The following PAK3 variants were observed in gnomAD, a reference collection of about 807,000 sequenced individuals.
PAK3 encodes the protein p21 (RAC1) activated kinase 3, also known as serine/threonine-protein kinase PAK 3.
Under a neutral mutation model 41.0 loss-of-function variants are expected in PAK3, and 4 were observed. The observed-to-expected ratio is 0.10, with a 90% CI of 0.05 to 0.22. The LOEUF (loss-of-function observed/expected upper bound fraction) is 0.22. PAK3 is among the 10% of genes least tolerant of loss of function. The pLI, the probability that PAK3 is intolerant of heterozygous loss-of-function variation, is 1.00. For missense variants in PAK3, 205 were observed against 409.9 expected (o/e 0.50, Z 4.32); for synonymous variants, 146 against 139.6 (o/e 1.05, Z -0.32).
chrX:111,155,890 A>C (rs960391678), intron 8 of PAK3, among the ~76,000 whole-genome samples: 1 of 112,004 alleles, frequency 8.9e-6, no homozygotes, highest in Non-Finnish European at 1.9e-5. Context: ...TCAGGAAATA[A>C]GTCTTGAAGG....
rs1030615280 is a variant in PAK3, at chrX:111,221,041, A to G, written c.*594A>G. ...GTACTGTGTGAACATGTGGAAGTCC[A>G]TGCCCTAATAGAGTTGCAATTTTTT... On this transcript the variant is annotated 3_prime_UTR_variant, in exon 18 of 18. Transcript: ENST00000372007. 1 of 111,162 alleles carries G rather than the reference A, an allele frequency of 9.0e-6. No individual in the cohort carries two copies. The highest frequency in any genetic ancestry group is 3.3e-5 in the African/African-American group (1 of 30,418). The allele number at this position is 111,162 out of a possible 1,213,427, so 9.2% of individuals were successfully genotyped here. A position where few individuals can be genotyped will look rare whatever the true frequency, so the allele number is the denominator to read the frequency against.
At position 110,977,020 on chromosome X, in the gene PAK3, A is replaced by G. The variant is rs967451155; in HGVS notation, c.-28+32392A>G. On this transcript the variant is annotated intron_variant, in intron 1 of 14. Transcript: ENST00000425146. ...AATATCTAATGTAAATGATTAGTTG[A>G]TGGAGGCAGCAAACCAACATGACAC... Among the ~76,000 whole-genome samples the G allele has an allele frequency of 3.6e-5, 4 of 110,473 alleles. No individual in the cohort carries two copies. In the Admixed American group the frequency reaches 3.9e-4, roughly 11 times the overall value.
In PAK3 at chrX:111,212,694, G is replaced by A. The variant is rs780462827; in HGVS notation, c.1408-3727G>A. ...AAAGAGTAGGGCTTGATGAAAAGCAGGTTTAATCCTAGGAAGACAAAGAGA... is the reference window on the plus strand; with the variant it reads ...AAAGAGTAGGGCTTGATGAAAAGCAAGTTTAATCCTAGGAAGACAAAGAGA... On this transcript the variant is annotated intron_variant, in intron 16 of 17. Transcript: ENST00000372007. 2.7e-5 allele frequency among the ~76,000 whole-genome samples: 3 copies of A among 112,147 alleles called. No homozygotes were observed. In the East Asian group the frequency reaches 8.4e-4, roughly 31 times the overall value.
chrX:110,944,769 G>T (rs2090573290), intron 1 of PAK3: 1 of 112,373 alleles, frequency 8.9e-6, no homozygotes, highest in African/African-American at 3.2e-5. Flanking sequence ...CAGGGCGAAA[G>T]GCTGGGAAGG....
Position 111,076,018 on chromosome X carries a change from A to C in PAK3, c.-27-47059A>C, listed in dbSNP as rs767023485. Among the ~76,000 whole-genome samples the C allele has an allele frequency of 1.2e-4, 14 of 112,536 alleles. No homozygotes were observed. The South Asian group carries it at 4.8e-3, about 38-fold the overall frequency. ...AGCCAATTTCTCCATTTTGTAATGAAAATGTCTGGTCAATGCCTATACCGC... is the reference window on the plus strand; with the variant it reads ...AGCCAATTTCTCCATTTTGTAATGACAATGTCTGGTCAATGCCTATACCGC... On this transcript the variant is annotated intron_variant, in intron 1 of 14. Coordinates refer to the PAK3 transcript ENST00000425146.
intron 1 of PAK3, among the ~76,000 whole-genome samples, chrX:110,995,771 C>T (rs2091729163): frequency 9.0e-6 from 1 of 110,997 alleles, no homozygotes; most frequent in Non-Finnish European, 1.9e-5. Flanking sequence ...TACACTCTTC[C>T]CCTTGCCCCC....
intron 4 of PAK3, among the ~76,000 whole-genome samples, chrX:111,118,605 C>T (rs1419177510): frequency 9.0e-6 from 1 of 110,973 alleles, no homozygotes; most frequent in East Asian, 2.8e-4. Flanking sequence ...TGATAATAGC[C>T]TTGTGTGGCT....
chrX:111,164,978 A>G (rs1260006356), intron 10 of PAK3, among the ~76,000 whole-genome samples: 2 of 111,608 alleles, frequency 1.8e-5, no homozygotes, highest in East Asian at 2.8e-4. Context: ...TCCAAAGGAC[A>G]TTTAGCAATG....
At chrX:111,080,523 C>T (rs1403647826) in intron 1 of PAK3, among the ~76,000 whole-genome samples, 1 of 112,509 alleles carries the variant, frequency 8.9e-6, no homozygotes, top group East Asian at 2.8e-4. Flanking sequence ...TTCATATGCA[C>T]TGAGAATCCA....
At chrX:111,031,807 A>G (rs2148751060) in intron 1 of PAK3, among the ~76,000 whole-genome samples, 2 of 112,065 alleles carry the variant, frequency 1.8e-5, no homozygotes, top group African/African-American at 6.5e-5. Context: ...TTTTACTAAT[A>G]TCTAACTGAA....
At chrX:111,083,399 G>C (rs899754862) in intron 1 of PAK3, among the ~76,000 whole-genome samples, 2 of 111,898 alleles carry the variant, frequency 1.8e-5, no homozygotes, top group Non-Finnish European at 3.8e-5. Flanking sequence ...TCCTAAATTA[G>C]TTTATTCATT....
rs184124047 is a variant in PAK3 at position 111,226,288 on chromosome X, T to C, written c.*5841T>C. 8.9e-6 allele frequency: 1 copy of C among 112,567 alleles called. No homozygotes were observed. Among genetic ancestry groups the C allele is most frequent in the East Asian group, 2.8e-4 (1 of 3,580 alleles). The allele number at this position is 112,567 out of a possible 1,213,427, so 9.3% of individuals were successfully genotyped here. On this transcript the variant is annotated 3_prime_UTR_variant, in exon 18 of 18. Transcript: ENST00000372007. ...GTTTCGTTTTGTTTTTGTTTTAATG[T>C]CCATTTTCTGTTGACTGTTCCCAGT...
At chrX:110,955,421 A>G (rs2090834897) in intron 1 of PAK3, among the ~76,000 whole-genome samples, 1 of 111,946 alleles carries the variant, frequency 8.9e-6, no homozygotes, top group African/African-American at 3.3e-5. Context: ...CATTTCCTGC[A>G]ATATCTGTCC....
At chrX:111,000,727 C>T in intron 1 of PAK3, among the ~76,000 whole-genome samples, 1 of 111,742 alleles carries the variant, frequency 8.9e-6, no homozygotes, top group East Asian at 2.8e-4. Context: ...ACTCTCTGTG[C>T]TATGTTTGCA....
chrX:111,025,781 T>A (rs2092260384), intron 1 of PAK3, among the ~76,000 whole-genome samples: 2 of 106,357 alleles, frequency 1.9e-5, no homozygotes, highest in South Asian at 8.3e-4. Context: ...GAATCCTCCC[T>A]AAATCATTTT....
intron 1 of PAK3, among the ~76,000 whole-genome samples, chrX:110,963,576 G>A: frequency 8.9e-6 from 1 of 112,562 alleles, no homozygotes; most frequent in Non-Finnish European, 1.9e-5. Flanking sequence ...GGCCAGGCTT[G>A]ACTGACCTAA....
intron 1 of PAK3, among the ~76,000 whole-genome samples, chrX:111,020,061 T>G (rs897413514): frequency 1.7e-4 from 19 of 112,346 alleles, no homozygotes; most frequent in African/African-American, 5.8e-4. Flanking sequence ...CAGTTCTACT[T>G]CTGGGTATAT....
chrX:110,968,807 T>C (rs944877865), intron 1 of PAK3, among the ~76,000 whole-genome samples: 7 of 111,390 alleles, frequency 6.3e-5, no homozygotes, highest in African/African-American at 2.0e-4. Context: ...AACAGGGTCT[T>C]TCATGGAGTA....
chrX:110,990,067 T>C (rs1376579375), intron 1 of PAK3, among the ~76,000 whole-genome samples: 1 of 111,902 alleles, frequency 8.9e-6, no homozygotes, highest in Non-Finnish European at 1.9e-5. Context: ...CAGCGGTGTC[T>C]TCCGGCAGAG....
Sources: gnomAD v4.1 joint callset for allele counts (sites outside exome capture counted in the v4.1 genomes callset) on GRCh38, gnomAD v4.1.1 for gene constraint, MANE v1.5 for transcripts, NCBI Gene and HGNC (gene_info 2026-07-23, HGNC 2026-07-21) for gene names.